RBFOX1: variants seen among roughly 807,000 people sequenced by gnomAD.
RBFOX1 encodes the protein RNA binding fox-1 homolog 1.
In RBFOX1, 8 loss-of-function variants were observed where a neutral mutation model predicts 57.7. The ratio of observed to expected loss-of-function variants is 0.14; its 90% CI spans 0.08 to 0.25. The LOEUF is 0.25. Among genes scored for constraint, RBFOX1 ranks in the 10% least tolerant of loss-of-function variants. The pLI is 1.00. For missense variants in RBFOX1, 611 were observed against 548.5 expected (o/e 1.11, Z -1.14); for synonymous variants, 326 against 222.4 (o/e 1.47, Z -4.15).
rs2090429170 is a variant in RBFOX1 at position 6,371,511 on chromosome 16, G to A, written c.-64+54454G>A. On this transcript the variant is annotated intron_variant, in intron 2 of 15. Coordinates refer to ENST00000550418, the MANE Select transcript of RBFOX1 (RefSeq NM_018723.4). ...TGGGAGCCCCTTCAAGCTGGCTCCT[G>A]TATCATTTTGACATAAACCCGTAAG... Among the ~76,000 whole-genome samples, 4 of 152,054 alleles carry A rather than the reference G, an allele frequency of 2.6e-5. No homozygotes were observed. The South Asian group carries it at 8.3e-4, about 32-fold the overall frequency.
chr16:5,743,096 C>T (rs752593665), intron 3 of RBFOX1, among the ~76,000 whole-genome samples: 1 of 152,140 alleles, frequency 6.6e-6, no homozygotes, highest in African/African-American at 2.4e-5. Context: ...TTAATTCTCA[C>T]AATCACACTA....
intron 2 of RBFOX1, among the ~76,000 whole-genome samples, chr16:5,592,746 T>C (rs978337584): frequency 3.9e-5 from 6 of 152,228 alleles, no homozygotes; most frequent in African/African-American, 1.2e-4. Context: ...GTGTGTGGTC[T>C]GTGTTCATCC....
At chr16:5,633,617 T>C (rs1223452445) in intron 3 of RBFOX1, among the ~76,000 whole-genome samples, 2 of 152,118 alleles carry the variant, frequency 1.3e-5, no homozygotes, top group African/African-American at 2.4e-5. Context: ...CTCACGCCTG[T>C]AATCCCAGCA....
intron 2 of RBFOX1, among the ~76,000 whole-genome samples, chr16:6,331,302 C>G (rs1277871060): frequency 6.6e-6 from 1 of 152,068 alleles, no homozygotes; most frequent in Non-Finnish European, 1.5e-5. Flanking sequence ...AAAAAATTAG[C>G]TAGGCATGCT....
Position 7,602,513 on chromosome 16 carries a change from C to G in RBFOX1, c.623-4772C>G, listed in dbSNP as rs144342738. On this transcript the variant is annotated intron_variant, in intron 9 of 15. Coordinates refer to ENST00000550418, the MANE Select transcript of RBFOX1 (RefSeq NM_018723.4). ...TGCAAGGCCTGGGGACATACACAAACTGCCTAAGAAATTAAAAAGGGGATC... is the reference window on the plus strand; with the variant it reads ...TGCAAGGCCTGGGGACATACACAAAGTGCCTAAGAAATTAAAAAGGGGATC... Among the ~76,000 whole-genome samples the G allele has an allele frequency of 2.2e-3, 338 of 152,298 alleles. 1 individual carries two copies. The highest frequency in any genetic ancestry group is 7.8e-3 in the African/African-American group (325 of 41,562).
chr16:7,211,668 T>A (rs61175216), intron 4 of RBFOX1, among the ~76,000 whole-genome samples: 2 of 151,862 alleles, frequency 1.3e-5, no homozygotes, highest in African/African-American at 4.8e-5. Context: ...TGAACAAGAA[T>A]GTAAGTTACA....
In RBFOX1 at chr16:5,991,142, G is replaced by C. The variant is rs548462296; in HGVS notation, c.351+123807G>C. On this transcript the variant is annotated intron_variant, in intron 4 of 19. Transcript: ENST00000641259. ...CCTCTTATTAAAGTTGGACCATTTGGGGGGTGACTGTAGGGTTACATACAA... is the reference window on the plus strand; with the variant it reads ...CCTCTTATTAAAGTTGGACCATTTGCGGGGTGACTGTAGGGTTACATACAA... Among the ~76,000 whole-genome samples, 8 of 152,268 alleles carry C rather than the reference G, an allele frequency of 5.3e-5. No homozygotes were observed. The East Asian group carries it at 1.5e-3, about 29-fold the overall frequency.
chr16:7,349,356 T>A (rs2097084470), intron 4 of RBFOX1, among the ~76,000 whole-genome samples: 2 of 152,134 alleles, frequency 1.3e-5, no homozygotes. Context: ...TTTAAGTGAC[T>A]TCGCTTTCTC....
intron 4 of RBFOX1, among the ~76,000 whole-genome samples, chr16:7,129,812 T>C (rs1023091281): frequency 8.5e-6 from 1 of 118,276 alleles, no homozygotes; most frequent in Non-Finnish European, 1.6e-5. Flanking sequence ...AATGAGTGAA[T>C]GGTTAGACAG....
chr16:5,807,257 G>A (rs975467141), intron 3 of RBFOX1, among the ~76,000 whole-genome samples: 2 of 152,114 alleles, frequency 1.3e-5, no homozygotes, highest in East Asian at 3.9e-4. Context: ...CCTTCACGGG[G>A]GCTGTGGATA....
intron 4 of RBFOX1, among the ~76,000 whole-genome samples, chr16:7,331,743 A>T (rs988963438): frequency 6.6e-6 from 1 of 152,188 alleles, no homozygotes; most frequent in East Asian, 1.9e-4. Context: ...AACTTGTTCA[A>T]GATCACACAG....
At chr16:6,274,285 C>G (rs2075552757) in intron 1 of RBFOX1, among the ~76,000 whole-genome samples, 1 of 152,114 alleles carries the variant, frequency 6.6e-6, no homozygotes, top group Non-Finnish European at 1.5e-5. Flanking sequence ...TAGATAGAAA[C>G]TGGGAACAGC....
chr16:5,930,230 G>A (rs2059021013), intron 4 of RBFOX1, among the ~76,000 whole-genome samples: 1 of 126,816 alleles, frequency 7.9e-6, no homozygotes, highest in Non-Finnish European at 1.6e-5. Flanking sequence ...TGGATGGATG[G>A]ATGGATGGAT....
intron 3 of RBFOX1, among the ~76,000 whole-genome samples, chr16:6,917,466 C>T (rs1414494766): frequency 1.3e-5 from 2 of 152,238 alleles, no homozygotes; most frequent in Non-Finnish European, 2.9e-5. Flanking sequence ...ACATCCATTT[C>T]TGTCTCCGCC....
intron 3 of RBFOX1, among the ~76,000 whole-genome samples, chr16:6,999,713 A>G (rs2092619966): frequency 6.6e-6 from 1 of 152,032 alleles, no homozygotes; most frequent in Non-Finnish European, 1.5e-5. Context: ...ATCAGTATGT[A>G]TATTGGAAAA....
At chr16:7,568,438 G>C (rs1264843115) in intron 5 of RBFOX1, among the ~76,000 whole-genome samples, 1 of 152,104 alleles carries the variant, frequency 6.6e-6, no homozygotes, top group Non-Finnish European at 1.5e-5. Context: ...AATGCATTGT[G>C]ATTAGTGTAT....
At chr16:6,365,679 T>C (rs906781928) in intron 2 of RBFOX1, among the ~76,000 whole-genome samples, 1 of 152,172 alleles carries the variant, frequency 6.6e-6, no homozygotes, top group African/African-American at 2.4e-5. Context: ...TGTGGTATAG[T>C]GGAAAGAACA....
chr16:7,639,607 T>TAA (rs1392030315), intron 11 of RBFOX1, among the ~76,000 whole-genome samples: 1 of 152,154 alleles, frequency 6.6e-6, no homozygotes, highest in Non-Finnish European at 1.5e-5. Flanking sequence ...CAAATATATA[T>TAA]AATGCTAAGG....
At chr16:5,407,069 G>A (rs1305334292) in intron 1 of RBFOX1, among the ~76,000 whole-genome samples, 1 of 152,154 alleles carries the variant, frequency 6.6e-6, no homozygotes, top group East Asian at 1.9e-4. Context: ...ACCTGGGTGG[G>A]GAGGCCTCAG....
Sources: allele counts gnomAD v4.1 joint callset (sites outside exome capture counted in the v4.1 genomes callset), GRCh38; gene constraint gnomAD v4.1.1; transcripts MANE v1.5; gene names NCBI Gene and HGNC (gene_info 2026-07-23, HGNC 2026-07-21).